The following ADCY8 variants were observed in gnomAD, a reference collection of about 807,000 sequenced individuals.
ADCY8 encodes adenylate cyclase type 8.
Under a neutral mutation model 119.7 loss-of-function variants are expected in ADCY8, and 51 were observed. The ratio of observed to expected loss-of-function variants is 0.43; its 90% CI spans 0.34 to 0.54. ADCY8 has a LOEUF of 0.54. Among genes scored for constraint, ADCY8 ranks in the 20% least tolerant of loss-of-function variants. ADCY8 has a pLI of 0.03. For missense variants in ADCY8, 1,383 were observed against 1,598.8 expected, an observed-to-expected ratio of 0.87 and a Z score of 2.30; for synonymous variants, 665 against 651.0, an observed-to-expected ratio of 1.02 and a Z score of -0.33.
intron 7 of ADCY8, among the ~76,000 whole-genome samples, chr8:130,889,626 T>G (rs773979469): frequency 7.2e-5 from 11 of 152,208 alleles, no homozygotes; most frequent in Non-Finnish European, 1.5e-4. Flanking sequence ...TGCTTTCCAG[T>G]GTCCTTAGCT....
At chr8:130,836,745 T>C (rs999610639) in intron 11 of ADCY8, among the ~76,000 whole-genome samples, 2 of 152,128 alleles carry the variant, frequency 1.3e-5, no homozygotes, top group Non-Finnish European at 2.9e-5. Context: ...CTTTTTTTTG[T>C]TTGTTTGAGA....
In ADCY8 at chr8:130,884,760, G is replaced by A. The variant is rs763947518; in HGVS notation, c.1913C>T (p.Thr638Ile). 1.9e-6 allele frequency: 3 copies of A among 1,613,802 alleles called. No homozygotes were observed. The South Asian group carries it at 3.3e-5, about 18-fold the overall frequency. ...PFDNIVGKQN[T>I]LAALTRNSIN... ...TGAATTTCTTGTTAGGGCAGCCAGA[G>A]TCTAGGGGGAAAGCACATGCAAACA... Residue 638 changes from threonine to isoleucine, a missense_variant and splice_region_variant, in exon 8 of 18, where the codon ACT becomes ATT. Transcript: ENST00000286355.
chr8:130,958,657 G>A (rs1821506420), intron 2 of ADCY8, among the ~76,000 whole-genome samples: 1 of 152,130 alleles, frequency 6.6e-6, no homozygotes, highest in African/African-American at 2.4e-5. Context: ...GATCTCATGA[G>A]AATTATTCAC....
At chr8:130,924,128 T>A (rs926319532) in intron 5 of ADCY8, among the ~76,000 whole-genome samples, 2 of 152,144 alleles carry the variant, frequency 1.3e-5, no homozygotes, top group African/African-American at 4.8e-5. Flanking sequence ...GGCTTTGAAG[T>A]CAGATGATTC....
At chr8:131,021,435 C>A (rs1428910425) in intron 1 of ADCY8, among the ~76,000 whole-genome samples, 1 of 152,164 alleles carries the variant, frequency 6.6e-6, no homozygotes, top group Non-Finnish European at 1.5e-5. Flanking sequence ...AGGGATCAGA[C>A]ACCTTTTAAA....
chr8:130,875,064 G>T (rs1473675568), intron 8 of ADCY8, among the ~76,000 whole-genome samples: 1 of 152,150 alleles, frequency 6.6e-6, no homozygotes, highest in African/African-American at 2.4e-5. Flanking sequence ...CTCTGAAAAT[G>T]CTGGCTTTAT....
chr8:130,896,590 G>C (rs142306628), intron 7 of ADCY8, among the ~76,000 whole-genome samples: 1 of 152,262 alleles, frequency 6.6e-6, no homozygotes, highest in East Asian at 1.9e-4. Context: ...AGCAGGCAAA[G>C]TGTGATGATG....
intron 1 of ADCY8, among the ~76,000 whole-genome samples, chr8:130,996,070 A>G (rs1822763465): frequency 6.6e-6 from 1 of 152,186 alleles, no homozygotes; most frequent in Non-Finnish European, 1.5e-5. Context: ...TGCCAGAACA[A>G]TGATCTTACA....
chr8:130,968,058 A>ATGGGCC (rs1382752957), intron 2 of ADCY8, among the ~76,000 whole-genome samples: 1 of 152,192 alleles, frequency 6.6e-6, no homozygotes. Context: ...TGCCATGGGC[A>ATGGGCC]TGGGCAGGTG....
intron 15 of ADCY8, among the ~76,000 whole-genome samples, chr8:130,793,114 A>AC (rs1478770011): frequency 3.3e-5 from 5 of 152,124 alleles, no homozygotes; most frequent in Non-Finnish European, 5.9e-5. Context: ...GCTCAAGAGA[A>AC]CAAGAGAAAG....
intron 1 of ADCY8, among the ~76,000 whole-genome samples, chr8:131,002,896 A>G (rs532862128): frequency 1.3e-5 from 2 of 152,122 alleles, no homozygotes; most frequent in African/African-American, 4.8e-5. Context: ...TAAGGTTTTT[A>G]AAAAAATGAA....
chr8:131,039,362 G>A lies in ADCY8; in HGVS notation c.960+12C>T. Reference sequence around the variant, plus strand: ...TTAGAGGGGAAACAAATGCAAGGCAGGCAGGAGTTACCTGGTTGATGGAAA... The same window carrying A: ...TTAGAGGGGAAACAAATGCAAGGCAAGCAGGAGTTACCTGGTTGATGGAAA... On this transcript the variant is annotated intron_variant, in intron 1 of 17. Coordinates refer to ENST00000286355, the MANE Select transcript of ADCY8 (RefSeq NM_001115.3). 6.2e-7 allele frequency: 1 copy of A among 1,610,384 alleles called. No individual in the cohort carries two copies. Among genetic ancestry groups the A allele is most frequent in the South Asian group, 1.1e-5 (1 of 90,970 alleles).
chr8:130,921,858 C>T (rs1013806556), intron 5 of ADCY8, among the ~76,000 whole-genome samples: 10 of 152,168 alleles, frequency 6.6e-5, no homozygotes, highest in Non-Finnish European at 1.0e-4. Flanking sequence ...ATATGTCCCA[C>T]ATATTTCATG....
chr8:131,027,811 T>C (rs1275181610), intron 1 of ADCY8, among the ~76,000 whole-genome samples: 1 of 152,114 alleles, frequency 6.6e-6, no homozygotes, highest in African/African-American at 2.4e-5. Context: ...TGGAGTGAGA[T>C]AATGTGAAGT....
intron 11 of ADCY8, among the ~76,000 whole-genome samples, chr8:130,844,303 A>G (rs1466017700): frequency 6.6e-6 from 1 of 152,156 alleles, no homozygotes; most frequent in African/African-American, 2.4e-5. Flanking sequence ...CTCTCCAACC[A>G]TGACTGGAAT....
intron 2 of ADCY8, 87 bp downstream of exon 2, chr8:130,990,306 G>T (rs1822533588): frequency 1.1e-5 from 16 of 1,485,952 alleles, no homozygotes; most frequent in Non-Finnish European, 1.5e-5. Flanking sequence ...TTTAAGTCAG[G>T]ACGTGTTTGG....
chr8:130,904,261 T>A (rs554416548), intron 6 of ADCY8, among the ~76,000 whole-genome samples: 5 of 152,346 alleles, frequency 3.3e-5, no homozygotes, highest in Non-Finnish European at 7.4e-5. Flanking sequence ...CAAGAGACAC[T>A]GCTGCCTCTG....
chr8:131,039,133 A>G (rs903899134), intron 1 of ADCY8, among the ~76,000 whole-genome samples: 3 of 152,192 alleles, frequency 2.0e-5, no homozygotes, highest in Non-Finnish European at 4.4e-5. Flanking sequence ...GTCAGAGTAG[A>G]ATTACTCATA....
intron 5 of ADCY8, among the ~76,000 whole-genome samples, chr8:130,917,170 C>T (rs536075352): frequency 3.9e-5 from 6 of 152,284 alleles, no homozygotes; most frequent in Admixed American, 6.5e-5. Flanking sequence ...TGTGCTAGGC[C>T]TTTTACCTTA....
Sources: allele counts gnomAD v4.1 joint callset (sites outside exome capture counted in the v4.1 genomes callset), GRCh38; gene constraint gnomAD v4.1.1; transcripts MANE v1.5; gene names NCBI Gene and HGNC (gene_info 2026-07-23, HGNC 2026-07-21).